The following TVP23C variants were observed in gnomAD, a reference collection of about 807,000 sequenced individuals.
TVP23C encodes Golgi apparatus membrane protein TVP23 homolog C.
TVP23C carries 19 observed loss-of-function variants against 28.7 expected under a neutral mutation model. The ratio of observed to expected loss-of-function variants is 0.66; its 90% CI spans 0.46 to 0.97. The LOEUF is 0.97. Ranked by LOEUF, TVP23C falls within the 50% of genes least tolerant of loss-of-function variation. The pLI, the probability that TVP23C is intolerant of heterozygous loss-of-function variation, is 0.00. For synonymous variants in TVP23C, 68 were observed against 81.7 expected (o/e 0.83, Z 0.90); for missense variants, 186 against 241.3 (o/e 0.77, Z 1.52).
chr17:15,562,726 G>A (rs1055908829), intron 1 of TVP23C: 4 of 152,126 alleles, frequency 2.6e-5, no homozygotes, highest in African/African-American at 9.7e-5. Context: ...AATTTATCGT[G>A]TCTCCCCACC....
chr17:15,504,709 AT>A (rs1481699728), intron 5 of TVP23C, among the ~76,000 whole-genome samples: 2 of 152,068 alleles, frequency 1.3e-5, no homozygotes, highest in East Asian at 3.9e-4. Context: ...CATTTTTAAA[AT>A]TTTTTTGTAG....
At chr17:15,520,028 C>G (rs985044651) in intron 5 of TVP23C, among the ~76,000 whole-genome samples, 3 of 151,908 alleles carry the variant, frequency 2.0e-5, no homozygotes, top group African/African-American at 7.3e-5. Context: ...AGCTTGGTCA[C>G]TTGCCACTAC....
chr17:15,523,500 G>T (rs1485427163), intron 5 of TVP23C, among the ~76,000 whole-genome samples: 2 of 150,562 alleles, frequency 1.3e-5, no homozygotes, highest in East Asian at 3.9e-4. Context: ...TGTAGAGACG[G>T]GTTTCACCAT....
At chr17:15,544,036 A>T (rs1983536975) in intron 5 of TVP23C, among the ~76,000 whole-genome samples, 1 of 152,176 alleles carries the variant, frequency 6.6e-6, no homozygotes, top group South Asian at 2.1e-4. Context: ...TTGATATGGA[A>T]AGATAAATAC....
At chr17:15,517,519 T>G (rs1188034876) in intron 5 of TVP23C, among the ~76,000 whole-genome samples, 1 of 152,214 alleles carries the variant, frequency 6.6e-6, no homozygotes, top group African/African-American at 2.4e-5. Flanking sequence ...ATAAGGGTGA[T>G]ACTTTTATCA....
In TVP23C at chr17:15,538,059, C is replaced by G; in HGVS notation, c.*2353G>C. The G allele has an allele frequency of 1.9e-6, 3 of 1,603,840 alleles. No homozygotes were observed. Among genetic ancestry groups the G allele is most frequent in the Non-Finnish European group, 2.6e-6 (3 of 1,176,032 alleles). On this transcript the variant is annotated 3_prime_UTR_variant, in exon 6 of 6. Transcript: ENST00000518321. ...TCCTCGTTGCAACATGGACTAAGCT[C>G]TAAAAGGTTGAGTCAAGAATCTCTT...
chr17:15,545,387 T>C (rs1421149654), intron 5 of TVP23C, among the ~76,000 whole-genome samples: 1 of 152,204 alleles, frequency 6.6e-6, no homozygotes, highest in East Asian at 1.9e-4. Flanking sequence ...ACTGTCTGAC[T>C]ACAACTACTC....
chr17:15,533,546 G>A (rs190509649), downstream of TVP23C, among the ~76,000 whole-genome samples: 9 of 152,306 alleles, frequency 5.9e-5, no homozygotes, highest in Non-Finnish European at 1.3e-4. Context: ...AATATAAAAT[G>A]GAGTTATAAT....
chr17:15,515,204 T>G (rs1408820713), intron 5 of TVP23C, among the ~76,000 whole-genome samples: 1 of 152,040 alleles, frequency 6.6e-6, no homozygotes. Flanking sequence ...TGCAAAGGTA[T>G]AACGTACACT....
chr17:15,541,093 A>G (rs2532471), intron 5 of TVP23C, among the ~76,000 whole-genome samples: 137,463 of 152,172 alleles, frequency 0.9, 62,300 homozygotes, highest in Middle Eastern at 0.96. Flanking sequence ...CCCCGAGGAG[A>G]GAGACAGCTC....
At chr17:15,527,051 T>C (rs1260527558) in intron 5 of TVP23C, among the ~76,000 whole-genome samples, 2 of 152,166 alleles carry the variant, frequency 1.3e-5, no homozygotes, top group Non-Finnish European at 1.5e-5. Context: ...CAAAACTACA[T>C]TGTTATCTGA....
At chr17:15,507,153 T>C (rs1597501472) in intron 5 of TVP23C, 1 of 798,444 alleles carries the variant, frequency 1.3e-6, no homozygotes, top group East Asian at 2.7e-5. Context: ...TGACATCTTG[T>C]CCATGGCAAA....
intron 3 of TVP23C, among the ~76,000 whole-genome samples, chr17:15,552,649 A>G (rs1008397009): frequency 6.6e-5 from 10 of 151,730 alleles, no homozygotes; most frequent in Non-Finnish European, 1.0e-4. Flanking sequence ...ATGCCATTGC[A>G]CTCCAGCCTG....
At chr17:15,510,240 A>G in intron 5 of TVP23C, among the ~76,000 whole-genome samples, 1 of 152,174 alleles carries the variant, frequency 6.6e-6, no homozygotes, top group Admixed American at 6.5e-5. Flanking sequence ...CTGGAGGAAG[A>G]TGATGGTGAG....
At chr17:15,504,421 G>C (rs1401869082) in intron 5 of TVP23C, among the ~76,000 whole-genome samples, 1 of 152,142 alleles carries the variant, frequency 6.6e-6, no homozygotes, top group African/African-American at 2.4e-5. Flanking sequence ...GATTTACTTG[G>C]ATATGAACAT....
chr17:15,558,055 A>C (rs1283185001), intron 1 of TVP23C, among the ~76,000 whole-genome samples: 2 of 149,520 alleles, frequency 1.3e-5, no homozygotes, highest in Non-Finnish European at 3.0e-5. Context: ...AAAACAAACA[A>C]ACAAACAAAA....
chr17:15,543,697 A>G (rs2907505), intron 5 of TVP23C, among the ~76,000 whole-genome samples: 53,588 of 145,240 alleles, frequency 0.37, 11,806 homozygotes, highest in East Asian at 0.54. Context: ...TTTACTGTTT[A>G]TCTACCTTCC....
chr17:15,534,995 T>C (rs1983099147), downstream of TVP23C, among the ~76,000 whole-genome samples: 1 of 148,932 alleles, frequency 6.7e-6, no homozygotes. Flanking sequence ...AATGTGATTT[T>C]ACTTCCATTT....
chr17:15,513,828 T>G (rs1472948351), intron 5 of TVP23C, among the ~76,000 whole-genome samples: 2 of 152,102 alleles, frequency 1.3e-5, no homozygotes, highest in African/African-American at 4.8e-5. Flanking sequence ...TTTCCCTAAT[T>G]CACATTAAAA....
Sources: gnomAD v4.1 joint callset for allele counts (sites outside exome capture counted in the v4.1 genomes callset) on GRCh38, gnomAD v4.1.1 for gene constraint, MANE v1.5 for transcripts, NCBI Gene and HGNC (gene_info 2026-07-23, HGNC 2026-07-21) for gene names.